SCN11A: variants seen among roughly 807,000 people sequenced by gnomAD.
SCN11A encodes the protein sodium voltage-gated channel alpha subunit 11, also known as sodium channel protein type 11 subunit alpha.
Under a neutral mutation model 162.2 loss-of-function variants are expected in SCN11A, and 122 were observed. The observed-to-expected ratio is 0.75, with a 90% CI of 0.65 to 0.87. The LOEUF (loss-of-function observed/expected upper bound fraction) is 0.87, where lower values mean the gene tolerates loss of function less well. SCN11A is among the 40% of genes least tolerant of loss of function. SCN11A has a pLI of 0.00. For synonymous variants in SCN11A, 758 were observed against 751.5 expected, an observed-to-expected ratio of 1.01 and a Z score of -0.14; for missense variants, 2,015 against 2,181.6, an observed-to-expected ratio of 0.92 and a Z score of 1.52.
chr3:38,900,021 T>A lies in SCN11A; in HGVS notation c.1895A>T (p.Asp632Val). 1 of 1,614,036 alleles carries A rather than the reference T, an allele frequency of 6.2e-7. No individual in the cohort carries two copies. The highest frequency in any genetic ancestry group is 8.5e-7 in the Non-Finnish European group (1 of 1,179,986). ...AEMCLKIIAL[D>V]PYHYFRRGWN... ...GCCTCGGCGAAAGTAGTGGTAGGGA[T>A]CGAGCGCAATGATTTTTAGGCACAT... Residue 632 changes from aspartate to valine, a missense_variant, in exon 17 of 30, where the codon GAT (aspartate) becomes GTT (valine). By Grantham distance (152) the Asp-to-Val change is radical (BLOSUM62 -3). Coordinates refer to ENST00000302328, the MANE Select transcript of SCN11A (RefSeq NM_001349253.2).
chr3:38,935,898 C>A (rs1330884319), intron 7 of SCN11A, among the ~76,000 whole-genome samples: 1 of 152,186 alleles, frequency 6.6e-6, no homozygotes, highest in Non-Finnish European at 1.5e-5. Flanking sequence ...ATACCAAAGC[C>A]AGGCAGAGAC....
rs924689834 is a variant in SCN11A, at chr3:38,850,476, C to T, written c.4327+5G>A. The T allele has an allele frequency of 2.5e-6, 4 of 1,609,092 alleles. No homozygotes were observed. The highest frequency in any genetic ancestry group is 3.4e-6 in the Non-Finnish European group (4 of 1,177,092). On this transcript the variant is annotated splice_donor_5th_base_variant and intron_variant, in intron 29 of 29. Coordinates refer to ENST00000302328, the MANE Select transcript of SCN11A (RefSeq NM_001349253.2). ...AAAGTCCCTCTGACTGCTGATTTTA[C>T]TTACTAACAATGGAAAGAAGCACGA...
At chr3:38,868,515 T>C (rs867570585) in intron 26 of SCN11A, among the ~76,000 whole-genome samples, 2 of 152,350 alleles carry the variant, frequency 1.3e-5, no homozygotes, top group Middle Eastern at 3.4e-3. Flanking sequence ...TCTGTACTCC[T>C]TCATGTCCCT....
At chr3:39,016,920 G>T (rs1559575313) in intron 2 of SCN11A, among the ~76,000 whole-genome samples, 1 of 152,068 alleles carries the variant, frequency 6.6e-6, no homozygotes, top group Non-Finnish European at 1.5e-5. Context: ...ATTTTTAAAA[G>T]ATATTTTTAT....
intron 21 of SCN11A, among the ~76,000 whole-genome samples, chr3:38,884,467 A>T (rs892934108): frequency 1.3e-5 from 2 of 152,134 alleles, no homozygotes; most frequent in East Asian, 1.9e-4. Flanking sequence ...CTTATAGATA[A>T]TTTTTTTAGA....
chr3:38,975,908 T>C (rs922527836), intron 2 of SCN11A, among the ~76,000 whole-genome samples: 3 of 152,176 alleles, frequency 2.0e-5, no homozygotes, highest in African/African-American at 7.2e-5. Flanking sequence ...CTCACAAACA[T>C]GTGAATGTAC....
chr3:38,883,297 A>T lies in SCN11A; in HGVS notation c.3155T>A (p.Ile1052Lys), dbSNP rs1445278044. The T allele has an allele frequency of 1.2e-6, 2 of 1,613,946 alleles. No individual in the cohort carries two copies. The highest frequency in any genetic ancestry group is 2.2e-5 in the South Asian group (2 of 91,070). ...WWNLRKTCYQIVKHSWFESFI... is the reference protein window; with the variant it reads ...WWNLRKTCYQKVKHSWFESFI... The stretch of plus-strand genomic sequence containing the variant: ...GCTCTCAAACCAGCTGTGTTTCACT[A>T]TTTGGTAGCAGGTTTTCCGCAGGTT... Residue 1052 changes from isoleucine to lysine, a missense_variant, in exon 22 of 30, where the codon ATA becomes AAA. Physicochemically the swap from Ile to Lys is moderately radical, Grantham distance 102. Transcript: ENST00000302328.
intron 19 of SCN11A, among the ~76,000 whole-genome samples, chr3:38,894,111 C>T (rs576918794): frequency 2.4e-4 from 37 of 152,316 alleles, no homozygotes; most frequent in African/African-American, 8.7e-4. Flanking sequence ...ACTCCTCACC[C>T]ACAAGATTGG....
chr3:39,022,954 T>C (rs2031489476), intron 2 of SCN11A, among the ~76,000 whole-genome samples: 2 of 152,216 alleles, frequency 1.3e-5, no homozygotes, highest in African/African-American at 4.8e-5. Context: ...TTGGAAACTT[T>C]AACACTAAAT....
intron 2 of SCN11A, among the ~76,000 whole-genome samples, chr3:38,971,833 A>G (rs1388186522): frequency 6.6e-6 from 1 of 152,218 alleles, no homozygotes; most frequent in Non-Finnish European, 1.5e-5. Context: ...GTTCATGCTT[A>G]TAAAGTAATA....
At chr3:39,024,663 G>C (rs1246389746) in intron 2 of SCN11A, among the ~76,000 whole-genome samples, 1 of 152,122 alleles carries the variant, frequency 6.6e-6, no homozygotes, top group Non-Finnish European at 1.5e-5. Context: ...CATAAAAAAA[G>C]TTATCTGATC....
chr3:38,990,423 A>C (rs2030415405), intron 2 of SCN11A, among the ~76,000 whole-genome samples: 1 of 152,174 alleles, frequency 6.6e-6, no homozygotes, highest in Non-Finnish European at 1.5e-5. Flanking sequence ...GCCTGCCCTC[A>C]AAAAGTCAGC....
chr3:38,932,269 G>A (rs1305344266), intron 7 of SCN11A, among the ~76,000 whole-genome samples: 2 of 152,266 alleles, frequency 1.3e-5, no homozygotes, highest in Admixed American at 6.5e-5. Flanking sequence ...AACAGCTCCA[G>A]TCTACAGCTC....
At chr3:38,929,873 G>A (rs969844589) in intron 7 of SCN11A, among the ~76,000 whole-genome samples, 10 of 152,118 alleles carry the variant, frequency 6.6e-5, no homozygotes, top group Admixed American at 6.5e-4. Flanking sequence ...GCAGCAAGAA[G>A]ACCCTCACCA....
At chr3:38,976,382 G>T (rs2066850243) in intron 2 of SCN11A, among the ~76,000 whole-genome samples, 1 of 152,138 alleles carries the variant, frequency 6.6e-6, no homozygotes, top group Non-Finnish European at 1.5e-5. Flanking sequence ...GGCCTGGGGA[G>T]GTGATGGCAG....
At chr3:38,905,356 A>C (rs780238192) in intron 14 of SCN11A, 35 bp from the exon 15 acceptor site, 23 of 1,597,288 alleles carry the variant, frequency 1.4e-5, no homozygotes, top group Non-Finnish European at 1.9e-5. Context: ...TTCTAAAGAC[A>C]GGGGCTGCCT....
At chr3:39,000,460 C>A (rs1163346226) in intron 2 of SCN11A, among the ~76,000 whole-genome samples, 4 of 152,186 alleles carry the variant, frequency 2.6e-5, no homozygotes, top group Non-Finnish European at 2.9e-5. Context: ...ACTCAATCAG[C>A]AAACTGTTCT....
intron 1 of SCN11A, among the ~76,000 whole-genome samples, chr3:39,045,565 C>G (rs113023796): frequency 3.9e-5 from 6 of 152,228 alleles, no homozygotes; most frequent in African/African-American, 1.4e-4. Context: ...TTAATCAATG[C>G]AGAAAAGGCA....
Position 38,963,352 on chromosome 3 carries a change from G to GAGATATAT in SCN11A, c.-279-2930_-279-2929insATATATCT, listed in dbSNP as rs1196119271. ...ATAAAGAAACTATATCTATTTGATG[G>GAGATATAT]ATATATATATATATATATATATATA... is the stretch of plus-strand genomic sequence containing the variant. On this transcript the variant is annotated intron_variant, in intron 2 of 29. Coordinates refer to ENST00000302328, the MANE Select transcript of SCN11A (RefSeq NM_001349253.2). Among the ~76,000 whole-genome samples, 44 of 38,274 alleles carry GAGATATAT rather than the reference G, an allele frequency of 1.1e-3. 1 individual carries two copies. The highest frequency in any genetic ancestry group is 4.0e-3 in the South Asian group (3 of 754). 25.1% of individuals were successfully genotyped at this position (38,274 alleles called of 152,430 possible). A position where few individuals can be genotyped will look rare whatever the true frequency, so the allele number is the denominator to read the frequency against.
Sources: allele counts gnomAD v4.1 joint callset (sites outside exome capture counted in the v4.1 genomes callset), GRCh38; gene constraint gnomAD v4.1.1; transcripts MANE v1.5; gene names NCBI Gene and HGNC (gene_info 2026-07-23, HGNC 2026-07-21).